AEBP2: variants seen among roughly 807,000 people sequenced by gnomAD.
AEBP2 encodes the protein zinc finger protein AEBP2.
A neutral mutation model predicts 50.8 loss-of-function variants in AEBP2; 10 were observed. The observed-to-expected ratio is 0.20, with a 90% confidence interval of 0.12 to 0.33. AEBP2 has a LOEUF of 0.33. Ranked by LOEUF, AEBP2 falls within the 10% of genes least tolerant of loss-of-function variation. The pLI, the probability that AEBP2 is intolerant of heterozygous loss-of-function variation, is 1.00. For missense variants in AEBP2, 570 were observed against 688.0 expected, an observed-to-expected ratio of 0.83 and a Z score of 1.92; for synonymous variants, 296 against 261.3, an observed-to-expected ratio of 1.13 and a Z score of -1.28.
intron 1 of AEBP2, among the ~76,000 whole-genome samples, chr12:19,455,105 C>T (rs56058809): frequency 0.1 from 15,158 of 151,584 alleles, 1,134 homozygotes; most frequent in African/African-American, 0.21. Flanking sequence ...TAGCAATCCT[C>T]ACCTTAGCCT....
Position 19,520,686 on chromosome 12 carries a change from A to G in AEBP2, c.*2569A>G, listed in dbSNP as rs1412687614. On this transcript the variant is annotated 3_prime_UTR_variant, in exon 8 of 8. Coordinates refer to ENST00000266508, the MANE Select transcript of AEBP2 (RefSeq NM_153207.5). ...CAAGCAAACTACAGCTCACAAGCAT[A>G]CCCATTTATATGTTGTCTATGCCTG... 6.6e-6 allele frequency: 1 copy of G among 152,166 alleles called. No individual in the cohort carries two copies. Among genetic ancestry groups the G allele is most frequent in the Admixed American group, 6.6e-5 (1 of 15,266 alleles). The allele number at this position is 152,166 out of a possible 1,614,324, so 9.4% of individuals were successfully genotyped here.
At chr12:19,431,072 A>C (rs2095751183) in intron 1 of AEBP2, among the ~76,000 whole-genome samples, 1 of 152,078 alleles carries the variant, frequency 6.6e-6, no homozygotes, top group Non-Finnish European at 1.5e-5. Flanking sequence ...CAAGATGTAG[A>C]CATGACAAAA....
At chr12:19,457,079 C>G in intron 1 of AEBP2, 1 of 1,605,310 alleles carries the variant, frequency 6.2e-7, no homozygotes, top group East Asian at 2.2e-5. Context: ...GCTTCTGTGT[C>G]GGGGTTGTAG....
At chr12:19,463,623 C>T (rs1045668997) in intron 2 of AEBP2, among the ~76,000 whole-genome samples, 20 of 149,224 alleles carry the variant, frequency 1.3e-4, no homozygotes, top group African/African-American at 3.9e-4. Context: ...AACATCCAAC[C>T]GGGTCAACGT....
At chr12:19,503,351 G>A (rs1375338717) in intron 5 of AEBP2, among the ~76,000 whole-genome samples, 1 of 151,978 alleles carries the variant, frequency 6.6e-6, no homozygotes, top group Non-Finnish European at 1.5e-5. Context: ...GTGTGTATGT[G>A]TGTGTGTGTG....
At position 19,439,554 on chromosome 12, in the gene AEBP2, C is replaced by A; in HGVS notation, c.-146C>A. On this transcript the variant is annotated 5_prime_UTR_variant, in exon 1 of 8. Transcript: ENST00000266508. Reference sequence around the variant, plus strand: ...CCGCGCGGGCTCCGTAGCGCGTGTGCAGGCTGACGCAGCTCGCGGGCCCTC... The same window carrying A: ...CCGCGCGGGCTCCGTAGCGCGTGTGAAGGCTGACGCAGCTCGCGGGCCCTC... The A allele has an allele frequency of 9.2e-7, 1 of 1,082,372 alleles. No homozygotes were observed. The highest frequency in any genetic ancestry group is 1.3e-6 in the Non-Finnish European group (1 of 791,954). 67.0% of individuals were successfully genotyped at this position (1,082,372 alleles called of 1,614,324 possible).
intron 5 of AEBP2, among the ~76,000 whole-genome samples, chr12:19,510,921 C>T (rs562383821): frequency 1.6e-5 from 2 of 121,236 alleles, no homozygotes; most frequent in Admixed American, 1.1e-4. Flanking sequence ...AGTGCAGTGG[C>T]GCAGTCACAG....
intron 7 of AEBP2, among the ~76,000 whole-genome samples, chr12:19,516,934 C>T (rs576836715): frequency 2.0e-5 from 3 of 152,126 alleles, no homozygotes; most frequent in South Asian, 2.1e-4. Context: ...GGCTGAGGCA[C>T]GAGAATCACT....
chr12:19,435,280 A>ATTTTT (rs35017794), upstream of AEBP2, among the ~76,000 whole-genome samples: 6 of 142,902 alleles, frequency 4.2e-5, no homozygotes, highest in Non-Finnish European at 7.6e-5. Context: ...TGACTGGCTA[A>ATTTTT]TTTTTTTTTT....
rs957725978 is a variant in AEBP2, at chr12:19,408,907, A to G, written c.-17+4691A>G. ...GACAGAGTGAGACTCTGTCTCAAAT[A>G]AATAAATAAATAAATAAATAAAGTA... On this transcript the variant is annotated intron_variant, in intron 1 of 3. Coordinates refer to the AEBP2 transcript ENST00000538425. Among the ~76,000 whole-genome samples, 19 of 12,758 alleles carry G rather than the reference A, an allele frequency of 1.5e-3. No homozygotes were observed. The African/African-American group carries it at 0.021, about 14-fold the overall frequency. 8.4% of individuals were successfully genotyped at this position (12,758 alleles called of 152,430 possible). A position where few individuals can be genotyped will look rare whatever the true frequency, so the allele number is the denominator to read the frequency against.
intron 1 of AEBP2, chr12:19,457,248 C>T: frequency 1.3e-6 from 2 of 1,595,912 alleles, no homozygotes; most frequent in Middle Eastern, 1.7e-4. Flanking sequence ...TTTGTCCATT[C>T]TTGGAGATAC....
intron 1 of AEBP2, among the ~76,000 whole-genome samples, chr12:19,453,424 C>CTTTTT (rs112177656): frequency 1.3e-5 from 2 of 148,612 alleles, no homozygotes; most frequent in African/African-American, 2.5e-5. Flanking sequence ...GACCTATATA[C>CTTTTT]TTTCTTTTTT....
chr12:19,498,792 C>A (rs1343044414), intron 4 of AEBP2, among the ~76,000 whole-genome samples: 1 of 152,046 alleles, frequency 6.6e-6, no homozygotes, highest in South Asian at 2.1e-4. Flanking sequence ...ATTAAATCTT[C>A]AGTGTATAAT....
At chr12:19,499,441 C>T (rs942188366) in intron 4 of AEBP2, among the ~76,000 whole-genome samples, 1 of 151,926 alleles carries the variant, frequency 6.6e-6, no homozygotes, top group African/African-American at 2.4e-5. Flanking sequence ...GGTGAAACCC[C>T]AGCTCTACTA....
intron 3 of AEBP2, among the ~76,000 whole-genome samples, chr12:19,488,693 A>G (rs1363744812): frequency 1.3e-5 from 2 of 152,212 alleles, no homozygotes; most frequent in Non-Finnish European, 2.9e-5. Context: ...TTACAAAGAC[A>G]GTCTTAGTAT....
Position 19,493,700 on chromosome 12 carries a change from T to C in AEBP2, c.988-100T>C, listed in dbSNP as rs1948927975. 6.3e-6 allele frequency: 7 copies of C among 1,116,974 alleles called. No individual in the cohort carries two copies. In the South Asian group the frequency reaches 1.2e-4, roughly 19 times the overall value. The allele number at this position is 1,116,974 out of a possible 1,614,324, so 69.2% of individuals were successfully genotyped here. A position where few individuals can be genotyped will look rare whatever the true frequency, so the allele number is the denominator to read the frequency against. ...CTTTCTGGAATTAGTTCTATTGTAC[T>C]ACTTATTTACTTCCGAAAATACTAG... On this transcript the variant is annotated intron_variant, in intron 3 of 7. Coordinates refer to ENST00000266508, the MANE Select transcript of AEBP2 (RefSeq NM_153207.5).
At chr12:19,445,756 A>G (rs1948050940) in intron 1 of AEBP2, among the ~76,000 whole-genome samples, 1 of 152,208 alleles carries the variant, frequency 6.6e-6, no homozygotes, top group Admixed American at 6.5e-5. Context: ...GTAGACTAAA[A>G]TATTTGATTA....
chr12:19,503,661 G>A (rs1949115318), intron 5 of AEBP2, among the ~76,000 whole-genome samples: 3 of 151,838 alleles, frequency 2.0e-5, no homozygotes, highest in Admixed American at 1.3e-4. Context: ...GGAATGGTGA[G>A]AGGAGACATC....
intron 1 of AEBP2, among the ~76,000 whole-genome samples, chr12:19,431,067 T>A (rs1592709936): frequency 6.7e-6 from 1 of 150,322 alleles, no homozygotes; most frequent in Non-Finnish European, 1.5e-5. Context: ...TTTACCAAGA[T>A]GTAGACATGA....
Sources: allele counts gnomAD v4.1 joint callset (sites outside exome capture counted in the v4.1 genomes callset), GRCh38; gene constraint gnomAD v4.1.1; transcripts MANE v1.5; gene names NCBI Gene and HGNC (gene_info 2026-07-23, HGNC 2026-07-21).